NBAS: variants seen among roughly 807,000 people sequenced by gnomAD.
The protein encoded by NBAS is NAG/BC035112 fusion.
A neutral mutation model predicts 302.5 loss-of-function variants in NBAS; 219 were observed. The observed-to-expected ratio is 0.72, with a 90% CI of 0.65 to 0.81. The LOEUF (loss-of-function observed/expected upper bound fraction) is 0.81. NBAS is among the 30% of genes least tolerant of loss of function. NBAS has a pLI of 0.00. For missense variants in NBAS, 2,932 were observed against 2,841.6 expected, an observed-to-expected ratio of 1.03 and a Z score of -0.72; for synonymous variants, 1,118 against 1,021.6, an observed-to-expected ratio of 1.09 and a Z score of -1.80.
At chr2:15,501,340 C>T (rs576584574) in intron 11 of NBAS, among the ~76,000 whole-genome samples, 47 of 151,676 alleles carry the variant, frequency 3.1e-4, no homozygotes, top group Admixed American at 9.8e-4. Flanking sequence ...TTTAAAGCCA[C>T]GTAAGTTTGG....
chr2:15,098,405 T>C, the NBAS span, among the ~76,000 whole-genome samples: 39 of 78,042 alleles, frequency 5.0e-4, no homozygotes, highest in African/African-American at 2.3e-3. Context: ...TTATATATTA[T>C]ATATGATATA....
chr2:15,511,417 C>T (rs962212429), intron 9 of NBAS, 67 bp from the exon 10 acceptor site: 1 of 1,425,382 alleles, frequency 7.0e-7, no homozygotes, highest in African/African-American at 1.4e-5. Flanking sequence ...ACAAAGAGAG[C>T]AGAAACAGTC....
the NBAS span, among the ~76,000 whole-genome samples, chr2:15,053,785 G>A: frequency 3.9e-5 from 6 of 152,124 alleles, no homozygotes; most frequent in Admixed American, 1.3e-4. Context: ...CTGAACATCC[G>A]GTTATCTAAA....
chr2:15,374,547 A>G (rs1486403264), intron 31 of NBAS, 61 bp downstream of exon 31: 2 of 1,392,144 alleles, frequency 1.4e-6, no homozygotes, highest in Non-Finnish European at 2.0e-6. Flanking sequence ...ACTAAAAAAG[A>G]ATACTAGTAA....
In NBAS at chr2:15,383,183, TA is replaced by T. The variant is rs3834149; in HGVS notation, c.3360+31del. 991,133 of 1,545,802 alleles carry T rather than the reference TA, an allele frequency of 0.64. 324,390 individuals carry two copies. The highest frequency in any genetic ancestry group is 0.68 in the Non-Finnish European group (758,881 of 1,121,874). On this transcript the variant is annotated intron_variant, in intron 29 of 51. Coordinates refer to ENST00000281513, the MANE Select transcript of NBAS (RefSeq NM_015909.4). ...ACCATAACAATTAAAATTGTTAAAT[TA>T]AAAAAAAATCGTATATGGTTCTAGA...
the NBAS span, among the ~76,000 whole-genome samples, chr2:15,101,735 A>G: frequency 6.6e-6 from 1 of 152,200 alleles, no homozygotes; most frequent in South Asian, 2.1e-4. Context: ...GAGTGAGTTC[A>G]GAAGAAAGGG....
In NBAS at chr2:15,299,684, C is replaced by CT. The variant is rs534127977; in HGVS notation, c.4798-6919dup. 2.0e-5 allele frequency among the ~76,000 whole-genome samples: 3 copies of CT among 152,174 alleles called. No individual in the cohort carries two copies. The East Asian group carries it at 5.8e-4, about 29-fold the overall frequency. On this transcript the variant is annotated intron_variant, in intron 40 of 51. Transcript: ENST00000281513. ...TTTAACCGATTTTACCTTCTGAACACTTTTTTAAAAGAATGCTGCAAAGAT... is the reference window on the plus strand; with the variant it reads ...TTTAACCGATTTTACCTTCTGAACACTTTTTTTAAAAGAATGCTGCAAAGAT...
the NBAS span, among the ~76,000 whole-genome samples, chr2:14,911,817 T>C: frequency 6.6e-6 from 1 of 152,244 alleles, no homozygotes; most frequent in Non-Finnish European, 1.5e-5. Flanking sequence ...GCTTAACTTC[T>C]CTTAACCTCA....
At chr2:14,970,746 G>A in the NBAS span, among the ~76,000 whole-genome samples, 1 of 152,182 alleles carries the variant, frequency 6.6e-6, no homozygotes, top group Non-Finnish European at 1.5e-5. Flanking sequence ...CAAATCAAAG[G>A]ACAAGTCAAC....
At chr2:15,462,428 C>T (rs1301741906) in intron 19 of NBAS, among the ~76,000 whole-genome samples, 1 of 152,140 alleles carries the variant, frequency 6.6e-6, no homozygotes. Context: ...GCCATGGAAT[C>T]GCAAGTGTAG....
the NBAS span, among the ~76,000 whole-genome samples, chr2:14,782,710 T>C: frequency 1.3e-5 from 2 of 152,114 alleles, no homozygotes; most frequent in African/African-American, 4.8e-5. Context: ...TCAACCTAAA[T>C]GCCCACCAAT....
At chr2:15,217,915 A>G (rs1666724364) in intron 48 of NBAS, among the ~76,000 whole-genome samples, 1 of 152,220 alleles carries the variant, frequency 6.6e-6, no homozygotes, top group Non-Finnish European at 1.5e-5. Context: ...TAAATAATTA[A>G]GGCTCAAATA....
At chr2:15,132,624 T>G in the NBAS span, among the ~76,000 whole-genome samples, 1 of 152,164 alleles carries the variant, frequency 6.6e-6, no homozygotes, top group Non-Finnish European at 1.5e-5. Flanking sequence ...TTGTAACAAA[T>G]GTACCAAATT....
the NBAS span, among the ~76,000 whole-genome samples, chr2:14,968,176 C>T: frequency 6.6e-6 from 1 of 152,196 alleles, no homozygotes; most frequent in Non-Finnish European, 1.5e-5. Flanking sequence ...TCAGTGTTGA[C>T]ACCCAATCCA....
At chr2:15,203,967 AAACCAGATAAGCCAGGT>A (rs1285970262) in intron 48 of NBAS, among the ~76,000 whole-genome samples, 1 of 151,572 alleles carries the variant, frequency 6.6e-6, no homozygotes, top group Admixed American at 6.6e-5. Flanking sequence ...TGAAAAACAT[AAACCAGATAAGCCAGGT>A]GCAGTGGCTC....
chr2:14,807,261 G>A, the NBAS span, among the ~76,000 whole-genome samples: 2 of 152,232 alleles, frequency 1.3e-5, no homozygotes, highest in African/African-American at 4.8e-5. Context: ...TGATTACAAA[G>A]TTAGCAATTA....
chr2:14,895,012 C>T, the NBAS span, among the ~76,000 whole-genome samples: 63 of 152,202 alleles, frequency 4.1e-4, no homozygotes, highest in African/African-American at 1.4e-3. Flanking sequence ...GCTGAGATCA[C>T]GTCACTGCAC....
intron 1 of NBAS, among the ~76,000 whole-genome samples, chr2:15,559,592 G>A (rs1664814085): frequency 1.3e-5 from 2 of 152,124 alleles, no homozygotes; most frequent in African/African-American, 4.8e-5. Context: ...TTGGATTCAT[G>A]CAAGACACAA....
At chr2:15,272,151 G>C (rs1455796639) in intron 44 of NBAS, among the ~76,000 whole-genome samples, 1 of 152,130 alleles carries the variant, frequency 6.6e-6, no homozygotes, top group Non-Finnish European at 1.5e-5. Context: ...TTTACCAGTG[G>C]ATTGGGCACT....
Sources: gnomAD v4.1 joint callset for allele counts (sites outside exome capture counted in the v4.1 genomes callset) on GRCh38, gnomAD v4.1.1 for gene constraint, MANE v1.5 for transcripts, NCBI Gene and HGNC (gene_info 2026-07-23, HGNC 2026-07-21) for gene names.